The following MGAM2 variants were observed in gnomAD, a reference collection of about 807,000 sequenced individuals.
The protein encoded by MGAM2 is maltase-glucoamylase 2 (putative).
MGAM2 carries 98 observed loss-of-function variants against 96.1 expected under a neutral mutation model. The ratio of observed to expected loss-of-function variants is 1.02; its 90% CI spans 0.87 to 1.21. MGAM2 has a LOEUF of 1.21. MGAM2 is among the 50% of genes most tolerant of loss of function. The pLI, the probability that MGAM2 is intolerant of heterozygous loss-of-function variation, is 0.00. For synonymous variants in MGAM2, 749 were observed against 414.8 expected (o/e 1.81, Z -9.79); for missense variants, 2,055 against 1,182.4 (o/e 1.74, Z -10.82).
chr7:142,158,058 G>T lies in MGAM2; in HGVS notation c.2045G>T (p.Arg682Leu). 1.4e-6 allele frequency: 1 copy of T among 702,870 alleles called. No homozygotes were observed. The highest frequency in any genetic ancestry group is 1.5e-5 in the South Asian group (1 of 67,576). 43.5% of individuals were successfully genotyped at this position (702,870 alleles called of 1,614,324 possible). Residue 682 changes from arginine (R) to leucine (L), a missense_variant, in exon 18 of 48, where the codon CGG (arginine) becomes CTG (leucine). Arg to Leu is a moderately radical substitution (Grantham distance 102). Coordinates refer to ENST00000477922, the MANE Select transcript of MGAM2 (RefSeq NM_001293626.2). ...ACCCTTTTCTACCATGCTCACACCC[G>T]GGGAGAGACGGTAGCAAGGCCCCTT... ...LYTLFYHAHT[R>L]GETVARPLVH...
rs61025497 is a variant in MGAM2, at chr7:142,146,731, A to ATT, written c.1517-712_1517-711dup. Among the ~76,000 whole-genome samples, 9 of 145,240 alleles carry ATT rather than the reference A, an allele frequency of 6.2e-5. No homozygotes were observed. In the South Asian group the frequency reaches 8.7e-4, roughly 14 times the overall value. On this transcript the variant is annotated intron_variant, in intron 14 of 47. Transcript: ENST00000477922. ...CCCAAATGTCCAAATGTCACATCTT[A>ATT]TTTTTTTTTTTTTTGAGATGTAGTC...
intron 47 of MGAM2, among the ~76,000 whole-genome samples, chr7:142,219,367 T>C (rs1797854779): frequency 6.6e-6 from 1 of 152,156 alleles, no homozygotes. Context: ...CCTTAAAGCA[T>C]TTTACCTGGA....
chr7:142,136,611 G>C lies in MGAM2; in HGVS notation c.818G>C (p.Gly273Ala), dbSNP rs1468314773. Reference protein sequence around the residue: ...CLEDARGSSFGVFLMNSNAME... With the variant: ...CLEDARGSSFAVFLMNSNAME... The stretch of plus-strand genomic sequence containing the variant: ...GAAGATGCCAGGGGCTCCTCTTTTG[G>C]AGTATTTCTGATGAACAGTAATGCC... Residue 273 changes from glycine to alanine, a missense_variant, in exon 8 of 48, where the codon GGA becomes GCA. By Grantham distance (60) the Gly-to-Ala change is moderately conservative. Coordinates refer to ENST00000477922, the MANE Select transcript of MGAM2 (RefSeq NM_001293626.2). 1 of 702,336 alleles carries C rather than the reference G, an allele frequency of 1.4e-6. No homozygotes were observed. The highest frequency in any genetic ancestry group is 1.7e-5 in the African/African-American group (1 of 57,310). The allele number at this position is 702,336 out of a possible 1,614,324, so 43.5% of individuals were successfully genotyped here.
At chr7:142,198,766 G>GC (rs1488326297) in intron 44 of MGAM2, 27 bp downstream of exon 44, 48 of 700,536 alleles carry the variant, frequency 6.9e-5, no homozygotes, top group African/African-American at 5.1e-4. Flanking sequence ...ATGTCTAACA[G>GC]CCTCTTGCTA....
chr7:142,150,962 T>G (rs937922843), intron 15 of MGAM2, among the ~76,000 whole-genome samples: 1 of 152,200 alleles, frequency 6.6e-6, no homozygotes, highest in Non-Finnish European at 1.5e-5. Flanking sequence ...TGCTTATCTA[T>G]AAAACCTCAT....
At chr7:142,150,447 C>T (rs1795540599) in intron 15 of MGAM2, among the ~76,000 whole-genome samples, 3 of 152,076 alleles carry the variant, frequency 2.0e-5, no homozygotes, top group Admixed American at 6.6e-5. Flanking sequence ...ATCATCATCC[C>T]TCACACAAAT....
At chr7:142,170,595 AG>A (rs1010682385) in intron 27 of MGAM2, among the ~76,000 whole-genome samples, 10 of 152,178 alleles carry the variant, frequency 6.6e-5, no homozygotes, top group African/African-American at 2.4e-4. Context: ...AGAGGGGCAA[AG>A]GTTAAAAAGG....
rs761437183 is a variant in MGAM2, at chr7:142,218,454, T to G, written c.5281T>G (p.Tyr1761Asp). The G allele has an allele frequency of 1.4e-6, 1 of 702,520 alleles. No homozygotes were observed. Among genetic ancestry groups the G allele is most frequent in the South Asian group, 1.5e-5 (1 of 67,480 alleles). The allele number at this position is 702,520 out of a possible 1,614,324, so 43.5% of individuals were successfully genotyped here. A position where few individuals can be genotyped will look rare whatever the true frequency, so the allele number is the denominator to read the frequency against. The change falls in exon 47 of 48, where the codon TAT (tyrosine) becomes GAT (aspartate). Residue 1761 changes from tyrosine (Y) to aspartate (D), a missense_variant. Tyr to Asp is a radical substitution (Grantham distance 160). Coordinates refer to ENST00000477922, the MANE Select transcript of MGAM2 (RefSeq NM_001293626.2). ...TATTAGAATCTGGGGTGTGAATACC[T>G]ATGTGACACAAGTCAGTTTCACCTA... The part of the protein sequence containing the change: ...GYIRIWGVNT[Y>D]VTQVSFTYDN...
In MGAM2 at chr7:142,221,933, T is replaced by C; in HGVS notation, c.7422T>C (p.Ala2474=). The C allele has an allele frequency of 2.5e-6, 1 of 399,776 alleles. No homozygotes were observed. Among genetic ancestry groups the C allele is most frequent in the Non-Finnish European group, 4.4e-6 (1 of 226,856 alleles). 24.8% of individuals were successfully genotyped at this position (399,776 alleles called of 1,614,324 possible). A position where few individuals can be genotyped will look rare whatever the true frequency, so the allele number is the denominator to read the frequency against. The part of the protein sequence containing the change: ...ATYLPITATS[A]TTDTTNITKY... ...ATTTACCTATTACTGCAACTAGTGC[T>C]ACCACAGATACTACAAATATTACAA... The change falls in exon 48 of 48, where the codon GCT becomes GCC. Residue 2474 remains alanine (A), a synonymous_variant. Coordinates refer to ENST00000477922, the MANE Select transcript of MGAM2 (RefSeq NM_001293626.2).
chr7:142,207,107 T>C (rs1315822737), intron 45 of MGAM2, among the ~76,000 whole-genome samples: 4 of 152,178 alleles, frequency 2.6e-5, no homozygotes, highest in Non-Finnish European at 5.9e-5. Context: ...AGTTGGAATG[T>C]TGAGAAGGGC....
chr7:142,125,981 C>A (rs1197750296), intron 3 of MGAM2, among the ~76,000 whole-genome samples: 1 of 152,106 alleles, frequency 6.6e-6, no homozygotes, highest in Admixed American at 6.5e-5. Flanking sequence ...ATATCCTTCT[C>A]TTGATCTTTA....
chr7:142,172,071 T>C (rs1177963335), intron 28 of MGAM2, 27 bp from the exon 29 acceptor site: 1 of 688,634 alleles, frequency 1.5e-6, no homozygotes, highest in East Asian at 2.7e-5. Context: ...GCATTTTCTT[T>C]TTGTTTATTA....
chr7:142,197,047 T>C (rs1013570819), intron 40 of MGAM2, among the ~76,000 whole-genome samples: 1 of 152,208 alleles, frequency 6.6e-6, no homozygotes, highest in African/African-American at 2.4e-5. Context: ...GTTTTTATAG[T>C]TCCACATGGG....
intron 23 of MGAM2, among the ~76,000 whole-genome samples, chr7:142,163,182 A>C (rs1795939504): frequency 1.3e-5 from 2 of 152,220 alleles, no homozygotes; most frequent in African/African-American, 4.8e-5. Flanking sequence ...TCACTTGATT[A>C]ATAGTATCTG....
At chr7:142,205,480 A>AT (rs778431599) in intron 45 of MGAM2, among the ~76,000 whole-genome samples, 1 of 85,748 alleles carries the variant, frequency 1.2e-5, no homozygotes, top group African/African-American at 3.8e-5. Flanking sequence ...TTTATTATCT[A>AT]TTTTTTTAAT....
At chr7:142,153,700 A>G (rs2129084360) in intron 15 of MGAM2, among the ~76,000 whole-genome samples, 1 of 152,340 alleles carries the variant, frequency 6.6e-6, no homozygotes, top group South Asian at 2.1e-4. Flanking sequence ...TCATGGTTCC[A>G]ATATACTGTT....
At chr7:142,114,153 G>GGAAGGAAA (rs1817277009) in intron 1 of MGAM2, among the ~76,000 whole-genome samples, 1 of 87,008 alleles carries the variant, frequency 1.1e-5, no homozygotes, top group Non-Finnish European at 2.2e-5. Context: ...AAAGAAAGAA[G>GGAAGGAAA]GAAAGAAAGA....
At chr7:142,166,449 C>G (rs1328985835) in intron 25 of MGAM2, among the ~76,000 whole-genome samples, 196 bp downstream of exon 25, 1 of 152,184 alleles carries the variant, frequency 6.6e-6, no homozygotes, top group African/African-American at 2.4e-5. Flanking sequence ...CTCATTGCCA[C>G]TCCAACCATA....
At chr7:142,172,492 C>A (rs896734234) in intron 29 of MGAM2, among the ~76,000 whole-genome samples, 160 bp from the exon 30 acceptor site, 1 of 152,078 alleles carries the variant, frequency 6.6e-6, no homozygotes, top group Admixed American at 6.6e-5. Flanking sequence ...ATTTGGGGTA[C>A]CTGCAAATAC....
Sources: gnomAD v4.1 joint callset for allele counts (sites outside exome capture counted in the v4.1 genomes callset) on GRCh38, gnomAD v4.1.1 for gene constraint, MANE v1.5 for transcripts, NCBI Gene and HGNC (gene_info 2026-07-23, HGNC 2026-07-21) for gene names.